RAB27B: variants seen among roughly 807,000 people sequenced by gnomAD.
RAB27B encodes the protein RAB27B, member RAS oncogene family.
A neutral mutation model predicts 24.6 loss-of-function variants in RAB27B; 15 were observed. That is an observed-to-expected ratio of 0.61 (90% CI 0.41 to 0.94). The LOEUF (loss-of-function observed/expected upper bound fraction) is 0.94. RAB27B is among the 40% of genes least tolerant of loss of function. The pLI is 0.00. For synonymous variants in RAB27B, 105 were observed against 92.5 expected, an observed-to-expected ratio of 1.14 and a Z score of -0.78; for missense variants, 261 against 266.8, an observed-to-expected ratio of 0.98 and a Z score of 0.15.
rs73956717 is a variant in RAB27B, at chr18:54,863,570, T to A, written c.-19-13997T>A. On this transcript the variant is annotated intron_variant, in intron 1 of 5. Transcript: ENST00000262094. ...CTTTTAAAGAGTACAGTTCAGTGTTTTTTTAGAATATGCACAAAGTTGTGC... is the reference window on the plus strand; with the variant it reads ...CTTTTAAAGAGTACAGTTCAGTGTTATTTTAGAATATGCACAAAGTTGTGC... Among the ~76,000 whole-genome samples the A allele has an allele frequency of 2.7e-3, 414 of 152,324 alleles. 3 individuals are homozygous for A. Among genetic ancestry groups the A allele is most frequent in the African/African-American group, 9.6e-3 (401 of 41,574 alleles).
intron 2 of RAB27B, among the ~76,000 whole-genome samples, chr18:54,769,332 C>T (rs1598890778): frequency 6.6e-6 from 1 of 152,128 alleles, no homozygotes; most frequent in Non-Finnish European, 1.5e-5. Flanking sequence ...CTGGGGCAGT[C>T]CACTGTGTGT....
At chr18:54,870,435 T>C (rs1811956349) in intron 1 of RAB27B, among the ~76,000 whole-genome samples, 1 of 152,104 alleles carries the variant, frequency 6.6e-6, no homozygotes, top group South Asian at 2.1e-4. Flanking sequence ...TAAAAAAATT[T>C]TCAATTAAAA....
At chr18:54,740,071 G>C (rs955649656) in intron 2 of RAB27B, among the ~76,000 whole-genome samples, 9 of 152,110 alleles carry the variant, frequency 5.9e-5, no homozygotes, top group African/African-American at 2.2e-4. Context: ...AGCTTAATTT[G>C]ATATAGTCCC....
intron 2 of RAB27B, among the ~76,000 whole-genome samples, chr18:54,766,667 C>T (rs562366538): frequency 1.1e-3 from 160 of 152,118 alleles, no homozygotes; most frequent in Admixed American, 2.0e-3. Flanking sequence ...AAGACATAGG[C>T]GTAGTGTATG....
intron 1 of RAB27B, among the ~76,000 whole-genome samples, chr18:54,865,020 G>A (rs1274163391): frequency 2.0e-5 from 3 of 152,032 alleles, no homozygotes; most frequent in Non-Finnish European, 4.4e-5. Flanking sequence ...AATTATTAGT[G>A]TTTAGTGCTT....
intron 1 of RAB27B, among the ~76,000 whole-genome samples, chr18:54,863,459 G>A (rs1912086387): frequency 6.6e-6 from 1 of 152,152 alleles, no homozygotes; most frequent in African/African-American, 2.4e-5. Context: ...AATAATTATT[G>A]TAAGAGAAAA....
intron 1 of RAB27B, among the ~76,000 whole-genome samples, chr18:54,831,146 G>A (rs1330177796): frequency 6.6e-6 from 1 of 152,198 alleles, no homozygotes; most frequent in Non-Finnish European, 1.5e-5. Context: ...GAGGCATGCA[G>A]AAAGTGTCAG....
At chr18:54,858,448 G>A (rs904300873) in intron 1 of RAB27B, among the ~76,000 whole-genome samples, 1 of 148,002 alleles carries the variant, frequency 6.8e-6, no homozygotes, top group East Asian at 2.0e-4. Context: ...GCAGTGGTGC[G>A]ATCTCGGCTC....
At chr18:54,848,368 C>T (rs1350378199) in intron 1 of RAB27B, among the ~76,000 whole-genome samples, 1 of 152,022 alleles carries the variant, frequency 6.6e-6, no homozygotes, top group Non-Finnish European at 1.5e-5. Context: ...GGTCTTGGTC[C>T]TTTATATCAT....
intron 1 of RAB27B, among the ~76,000 whole-genome samples, chr18:54,834,862 G>T (rs1910833545): frequency 6.6e-6 from 1 of 151,582 alleles, no homozygotes; most frequent in Non-Finnish European, 1.5e-5. Context: ...TTGAACTTGG[G>T]GTCAACTTAA....
intron 2 of RAB27B, among the ~76,000 whole-genome samples, chr18:54,768,294 A>G (rs1427821171): frequency 2.0e-5 from 3 of 152,192 alleles, no homozygotes; most frequent in Non-Finnish European, 2.9e-5. Flanking sequence ...AAATGTAGCG[A>G]TATGTGGCTT....
chr18:54,754,358 T>A (rs980041589), intron 2 of RAB27B, among the ~76,000 whole-genome samples: 8 of 151,902 alleles, frequency 5.3e-5, no homozygotes, highest in African/African-American at 1.5e-4. Flanking sequence ...CTCTTTCTTT[T>A]ATAAATTTTC....
At chr18:54,843,338 A>G (rs1416123126) in intron 1 of RAB27B, among the ~76,000 whole-genome samples, 1 of 135,590 alleles carries the variant, frequency 7.4e-6, no homozygotes, top group Non-Finnish European at 1.6e-5. Context: ...CATACCTATA[A>G]GTTTAGATTT....
chr18:54,734,725 A>G lies in RAB27B; in HGVS notation c.-20+16584A>G, dbSNP rs183651903. ...TTTTGATTTTATTATTCTTTCCACA[A>G]ATCTCTTGGAATGGTATTGAACAAA... On this transcript the variant is annotated intron_variant, in intron 2 of 4. Transcript: ENST00000586570. Among the ~76,000 whole-genome samples the G allele has an allele frequency of 6.2e-4, 95 of 152,274 alleles. 1 individual carries two copies. Among genetic ancestry groups the G allele is most frequent in the Admixed American group, 3.1e-3 (47 of 15,280 alleles).
chr18:54,784,257 A>G (rs1909009850), intron 2 of RAB27B, among the ~76,000 whole-genome samples: 1 of 152,232 alleles, frequency 6.6e-6, no homozygotes, highest in Non-Finnish European at 1.5e-5. Flanking sequence ...TGCCATCATA[A>G]CTGGCCTTCA....
intron 1 of RAB27B, among the ~76,000 whole-genome samples, chr18:54,868,441 C>CT (rs1912329422): frequency 6.6e-6 from 1 of 152,084 alleles, no homozygotes; most frequent in East Asian, 1.9e-4. Flanking sequence ...TGAATTAAAC[C>CT]TTTTTTCTTT....
At chr18:54,747,607 A>G (rs1241092642) in intron 2 of RAB27B, among the ~76,000 whole-genome samples, 1 of 152,184 alleles carries the variant, frequency 6.6e-6, no homozygotes, top group Non-Finnish European at 1.5e-5. Context: ...ATTTCAGTGC[A>G]CATGTGTTTG....
chr18:54,775,856 G>A lies in RAB27B; in HGVS notation c.-20+57715G>A, dbSNP rs967567044. 1.4e-4 allele frequency among the ~76,000 whole-genome samples: 21 copies of A among 152,126 alleles called. 1 individual carries two copies. The highest frequency in any genetic ancestry group is 4.6e-4 in the African/African-American group (19 of 41,428). On this transcript the variant is annotated intron_variant, in intron 2 of 4. Transcript: ENST00000586570. ...TCATATCAGCTCATGGTCAGCCTCGGCACAGTCATTCAACATCATCCACCT... is the reference window on the plus strand; with the variant it reads ...TCATATCAGCTCATGGTCAGCCTCGACACAGTCATTCAACATCATCCACCT...
intron 2 of RAB27B, among the ~76,000 whole-genome samples, chr18:54,778,535 T>C (rs1261536441): frequency 6.6e-6 from 1 of 152,232 alleles, no homozygotes; most frequent in African/African-American, 2.4e-5. Flanking sequence ...CCATTTGTAC[T>C]GAGCTTCTGC....
Sources: allele counts gnomAD v4.1 joint callset (sites outside exome capture counted in the v4.1 genomes callset), GRCh38; gene constraint gnomAD v4.1.1; transcripts MANE v1.5; gene names NCBI Gene and HGNC (gene_info 2026-07-23, HGNC 2026-07-21).